ULK4: variants seen among roughly 807,000 people sequenced by gnomAD.
ULK4 encodes inactive serine/threonine-protein kinase ULK4.
ULK4 carries 133 observed loss-of-function variants against 160.6 expected under a neutral mutation model. The ratio of observed to expected loss-of-function variants is 0.83; its 90% CI spans 0.72 to 0.96. The LOEUF (loss-of-function observed/expected upper bound fraction) is 0.96. ULK4 is among the 40% of genes least tolerant of loss of function. ULK4 has a pLI of 0.00. For synonymous variants in ULK4, 534 were observed against 539.8 expected (o/e 0.99, Z 0.15); for missense variants, 1,580 against 1,499.5 (o/e 1.05, Z -0.89).
rs139073448 is a variant in ULK4, at chr3:41,564,961, A to G, written c.3226+1064T>C. Among the ~76,000 whole-genome samples, 10 of 152,168 alleles carry G rather than the reference A, an allele frequency of 6.6e-5. No homozygotes were observed. The East Asian group carries it at 1.9e-3, about 29-fold the overall frequency. On this transcript the variant is annotated intron_variant, in intron 32 of 36. Transcript: ENST00000301831. ...TGTATCATGTTTTATCTTTTATATC[A>G]TATGTTTGCCACACCTCTTCTATGT...
At chr3:41,810,155 T>C (rs2040776594) in intron 19 of ULK4, among the ~76,000 whole-genome samples, 2 of 152,214 alleles carry the variant, frequency 1.3e-5, no homozygotes, top group African/African-American at 2.4e-5. Flanking sequence ...TCTTCATTTA[T>C]TGGGAAAGAG....
intron 34 of ULK4, among the ~76,000 whole-genome samples, chr3:41,436,113 T>C (rs1041727623): frequency 2.6e-5 from 4 of 152,184 alleles, no homozygotes; most frequent in African/African-American, 9.7e-5. Context: ...CTTTTTCACT[T>C]TCAATACAGT....
At chr3:41,727,059 C>G (rs950011695) in intron 22 of ULK4, among the ~76,000 whole-genome samples, 5 of 152,158 alleles carry the variant, frequency 3.3e-5, no homozygotes, top group African/African-American at 4.8e-5. Context: ...TCCCTCTAAT[C>G]TGACCACAAT....
chr3:41,264,380 T>C (rs746799396), intron 35 of ULK4, among the ~76,000 whole-genome samples: 6 of 152,228 alleles, frequency 3.9e-5, no homozygotes, highest in Admixed American at 6.5e-5. Context: ...GACCCTTCAA[T>C]TGAGCAGAGG....
intron 35 of ULK4, among the ~76,000 whole-genome samples, chr3:41,294,600 C>T (rs373956515): frequency 9.9e-5 from 15 of 152,112 alleles, no homozygotes; most frequent in South Asian, 4.2e-4. Flanking sequence ...TCAAAATGGC[C>T]GGCAGTAGTG....
intron 35 of ULK4, among the ~76,000 whole-genome samples, chr3:41,332,508 G>A (rs1288309707): frequency 6.6e-6 from 1 of 152,226 alleles, no homozygotes; most frequent in Non-Finnish European, 1.5e-5. Flanking sequence ...GGTTAAGTCT[G>A]TACTGCTTTG....
intron 21 of ULK4, among the ~76,000 whole-genome samples, chr3:41,787,632 AG>A (rs1484435180): frequency 1.3e-5 from 2 of 152,212 alleles, no homozygotes; most frequent in African/African-American, 4.8e-5. Context: ...CAGGATAAAA[AG>A]GTTCTGGAGA....
intron 30 of ULK4, among the ~76,000 whole-genome samples, chr3:41,646,049 A>G (rs539017876): frequency 6.6e-6 from 1 of 152,060 alleles, no homozygotes; most frequent in Non-Finnish European, 1.5e-5. Context: ...TGCCTGGTAG[A>G]TCTTCCTCCA....
intron 21 of ULK4, among the ~76,000 whole-genome samples, chr3:41,758,075 G>T (rs2038865753): frequency 6.6e-6 from 1 of 152,078 alleles, no homozygotes; most frequent in South Asian, 2.1e-4. Flanking sequence ...GAATGAGGTT[G>T]GTACCCTTAT....
chr3:41,334,179 C>G (rs1026989227), intron 35 of ULK4, among the ~76,000 whole-genome samples: 1 of 152,112 alleles, frequency 6.6e-6, no homozygotes, highest in Admixed American at 6.6e-5. Flanking sequence ...GGGAAGAGGG[C>G]TAAACACGGA....
rs200381799 is a variant in ULK4 at position 41,560,157 on chromosome 3, A to G, written c.3226+5868T>C. 2.0e-5 allele frequency among the ~76,000 whole-genome samples: 3 copies of G among 152,176 alleles called. No homozygotes were observed. In the East Asian group the frequency reaches 5.8e-4, roughly 29 times the overall value. Reference sequence around the variant, plus strand: ...CCCATTGCTTTTGTCAAGTTTGTCAAAGATCAGATGGTTGTAGATGAGTGG... The same window carrying G: ...CCCATTGCTTTTGTCAAGTTTGTCAGAGATCAGATGGTTGTAGATGAGTGG... On this transcript the variant is annotated intron_variant, in intron 32 of 36. Coordinates refer to ENST00000301831, the MANE Select transcript of ULK4 (RefSeq NM_017886.4).
chr3:41,256,534 T>C (rs1575359590), intron 35 of ULK4, among the ~76,000 whole-genome samples: 1 of 152,220 alleles, frequency 6.6e-6, no homozygotes, highest in Non-Finnish European at 1.5e-5. Flanking sequence ...GATGCGCATA[T>C]GCATAAACAT....
chr3:41,486,073 T>C (rs1434624022), intron 32 of ULK4, among the ~76,000 whole-genome samples: 1 of 152,180 alleles, frequency 6.6e-6, no homozygotes, highest in African/African-American at 2.4e-5. Context: ...CCCTGAACAT[T>C]CCTTTCCAGT....
chr3:41,277,476 A>G (rs965587060), intron 35 of ULK4, among the ~76,000 whole-genome samples: 1 of 152,240 alleles, frequency 6.6e-6, no homozygotes, highest in Non-Finnish European at 1.5e-5. Flanking sequence ...CATATACCAC[A>G]TAACAGAATT....
At chr3:41,849,884 A>C (rs1388333984) in intron 17 of ULK4, among the ~76,000 whole-genome samples, 3 of 152,160 alleles carry the variant, frequency 2.0e-5, no homozygotes, top group Non-Finnish European at 4.4e-5. Context: ...ACATATGTAT[A>C]CATGTGACAT....
At chr3:41,505,314 A>G (rs1477967262) in intron 32 of ULK4, among the ~76,000 whole-genome samples, 1 of 152,132 alleles carries the variant, frequency 6.6e-6, no homozygotes, top group Non-Finnish European at 1.5e-5. Flanking sequence ...TACTGCCCTA[A>G]CTACTAACAT....
At chr3:41,404,283 C>T (rs2082250600) in intron 34 of ULK4, among the ~76,000 whole-genome samples, 1 of 143,768 alleles carries the variant, frequency 7.0e-6, no homozygotes, top group Non-Finnish European at 1.5e-5. Flanking sequence ...AGAATGCATA[C>T]ATTTAAAATA....
chr3:41,694,583 T>C (rs908273497), intron 27 of ULK4, among the ~76,000 whole-genome samples: 12 of 152,176 alleles, frequency 7.9e-5, no homozygotes, highest in African/African-American at 2.7e-4. Context: ...CTGAGAGAGA[T>C]TGGTTCCAGA....
At chr3:41,643,474 T>G (rs2034331208) in intron 30 of ULK4, among the ~76,000 whole-genome samples, 1 of 152,214 alleles carries the variant, frequency 6.6e-6, no homozygotes. Flanking sequence ...CTTCCTTTTC[T>G]CAGGTTTGTC....
Sources: allele counts gnomAD v4.1 joint callset (sites outside exome capture counted in the v4.1 genomes callset), GRCh38; gene constraint gnomAD v4.1.1; transcripts MANE v1.5; gene names NCBI Gene and HGNC (gene_info 2026-07-23, HGNC 2026-07-21).